Variants in ANKRD44 observed in about 807,000 individuals in gnomAD.
ANKRD44 encodes serine/threonine-protein phosphatase 6 regulatory ankyrin repeat subunit B.
ANKRD44 carries 35 observed loss-of-function variants against 116.0 expected under a neutral mutation model. That is an observed-to-expected ratio of 0.30 (90% CI 0.23 to 0.40). The LOEUF is 0.40. Among genes scored for constraint, ANKRD44 ranks in the 10% least tolerant of loss-of-function variants. The probability of loss-of-function intolerance (pLI) is 1.00; values close to 1 mark genes in which losing one functional copy is unlikely to be tolerated. For missense variants in ANKRD44, 1,014 were observed against 1,242.6 expected (o/e 0.82, Z 2.77); for synonymous variants, 435 against 461.8 (o/e 0.94, Z 0.74).
chr2:197,242,714 T>C (rs2125802739), intron 1 of ANKRD44, among the ~76,000 whole-genome samples: 1 of 152,162 alleles, frequency 6.6e-6, no homozygotes, highest in East Asian at 1.9e-4. Context: ...CAGGACACTC[T>C]AGTCTAGGAG....
chr2:197,007,691 T>C (rs2076224652), intron 20 of ANKRD44, 115 bp downstream of exon 20: 2 of 732,052 alleles, frequency 2.7e-6, no homozygotes, highest in South Asian at 3.5e-5. Flanking sequence ...CAATTTTTGC[T>C]AAACATTTTT....
At chr2:196,992,332 A>C (rs551131591) in intron 27 of ANKRD44, among the ~76,000 whole-genome samples, 1 of 152,360 alleles carries the variant, frequency 6.6e-6, no homozygotes, top group South Asian at 2.1e-4. Flanking sequence ...CAGGTAGTTT[A>C]ACATTCCATT....
intron 17 of ANKRD44, among the ~76,000 whole-genome samples, chr2:197,017,562 T>A (rs2076416164): frequency 6.6e-6 from 1 of 152,226 alleles, no homozygotes; most frequent in African/African-American, 2.4e-5. Context: ...ATATCATTTA[T>A]AATAGGTAGT....
At chr2:197,112,608 T>C (rs2078609071) in intron 8 of ANKRD44, among the ~76,000 whole-genome samples, 1 of 149,614 alleles carries the variant, frequency 6.7e-6, no homozygotes, top group Non-Finnish European at 1.5e-5. Context: ...CTTGGGAGGC[T>C]GAGGCAGGAG....
chr2:197,217,642 C>G (rs1574294873), intron 1 of ANKRD44, among the ~76,000 whole-genome samples: 1 of 152,296 alleles, frequency 6.6e-6, no homozygotes, highest in Middle Eastern at 3.4e-3. Context: ...TGACTTTCCC[C>G]CTTTTGTGCA....
chr2:197,303,030 C>T (rs2083959065), intron 1 of ANKRD44, among the ~76,000 whole-genome samples: 2 of 152,260 alleles, frequency 1.3e-5, no homozygotes, highest in South Asian at 4.1e-4. Context: ...CAAAGAACCA[C>T]ACTGAGAACA....
At chr2:197,273,702 G>C (rs2082964706) in intron 1 of ANKRD44, among the ~76,000 whole-genome samples, 2 of 151,960 alleles carry the variant, frequency 1.3e-5, no homozygotes, top group Non-Finnish European at 2.9e-5. Flanking sequence ...CCAGCTGGCT[G>C]GTTCACCCAC....
chr2:197,295,384 A>G (rs2083688808), intron 1 of ANKRD44, among the ~76,000 whole-genome samples: 1 of 152,254 alleles, frequency 6.6e-6, no homozygotes, highest in African/African-American at 2.4e-5. Context: ...TGTAGCGCCC[A>G]TAGACAAGAC....
chr2:197,198,838 C>T (rs2081025401), intron 1 of ANKRD44: 1 of 144,278 alleles, frequency 6.9e-6, no homozygotes, highest in African/African-American at 2.9e-5. Context: ...AATCTAGCTC[C>T]ACCTTTAATG....
chr2:197,111,773 AAGAAAAAAAC>A (rs201451078), intron 8 of ANKRD44, among the ~76,000 whole-genome samples: 5,566 of 152,166 alleles, frequency 0.037, 140 homozygotes, highest in Middle Eastern at 0.078. Flanking sequence ...AATAAAGAAA[AAGAAAAAAAC>A]AGAAAAAAAC....
chr2:197,232,745 G>A (rs751366224), intron 1 of ANKRD44, among the ~76,000 whole-genome samples: 3 of 152,080 alleles, frequency 2.0e-5, no homozygotes, highest in African/African-American at 4.8e-5. Context: ...GTAAGTTCAC[G>A]AGGCTCCTTG....
intron 1 of ANKRD44, among the ~76,000 whole-genome samples, chr2:197,235,635 T>G (rs1484856979): frequency 2.3e-5 from 3 of 132,888 alleles, no homozygotes; most frequent in Admixed American, 7.5e-5. Flanking sequence ...AAAAAAAAAG[T>G]AGTGTAAGAT....
chr2:197,072,051 G>T (rs1391219526), intron 16 of ANKRD44, among the ~76,000 whole-genome samples: 1 of 56,964 alleles, frequency 1.8e-5, no homozygotes, highest in African/African-American at 1.0e-4. Context: ...AGGAAAGAAG[G>T]AAGGAAGGAA....
At chr2:197,198,723 G>A (rs888981522) in intron 1 of ANKRD44, among the ~76,000 whole-genome samples, 3 of 152,154 alleles carry the variant, frequency 2.0e-5, no homozygotes, top group African/African-American at 7.2e-5. Context: ...AGCCCGGGAG[G>A]TGGAGGTTGC....
chr2:197,247,300 G>A (rs1206061514), intron 1 of ANKRD44, among the ~76,000 whole-genome samples: 1 of 152,284 alleles, frequency 6.6e-6, no homozygotes, highest in Admixed American at 6.5e-5. Flanking sequence ...GCAAGGCAGC[G>A]CTAACAGATC....
At chr2:197,156,719 G>T (rs1352478694) in intron 2 of ANKRD44, among the ~76,000 whole-genome samples, 1 of 152,158 alleles carries the variant, frequency 6.6e-6, no homozygotes, top group Non-Finnish European at 1.5e-5. Flanking sequence ...ATCAAAAGAT[G>T]AATGGACAAA....
chr2:197,173,508 C>T (rs1365372378), intron 2 of ANKRD44, among the ~76,000 whole-genome samples: 5 of 152,098 alleles, frequency 3.3e-5, no homozygotes, highest in Admixed American at 2.6e-4. Context: ...TTGTCAAAAG[C>T]CAAGTTCTGA....
chr2:197,128,335 T>G (rs2079024323), intron 4 of ANKRD44, among the ~76,000 whole-genome samples: 1 of 152,344 alleles, frequency 6.6e-6, no homozygotes, highest in Admixed American at 6.5e-5. Context: ...ACTGCCATTC[T>G]GACTGGTGTG....
rs183984841 is a variant in ANKRD44 at position 197,110,648 on chromosome 2, A to G, written c.985+118T>C. On this transcript the variant is annotated intron_variant, in intron 9 of 27. Coordinates refer to ENST00000282272, the MANE Select transcript of ANKRD44 (RefSeq NM_001195144.2). ...GCAAAGTACATCAAAGAATTATGTA[A>G]TTGCATGCTTACTAAAACTCCAAAA... is the stretch of plus-strand genomic sequence containing the variant. 1,612 of 806,540 alleles carry G rather than the reference A, an allele frequency of 2.0e-3. 7 individuals are homozygous for G. The highest frequency in any genetic ancestry group is 3.1e-3 in the South Asian group (216 of 70,268). 50.0% of individuals were successfully genotyped at this position (806,540 alleles called of 1,614,324 possible).
Sources: allele counts gnomAD v4.1 joint callset (sites outside exome capture counted in the v4.1 genomes callset), GRCh38; gene constraint gnomAD v4.1.1; transcripts MANE v1.5; gene names NCBI Gene and HGNC (gene_info 2026-07-23, HGNC 2026-07-21).